Variants in IQSEC1 observed in about 807,000 individuals in gnomAD.
The protein encoded by IQSEC1 is IQ motif and Sec7 domain ArfGEF 1.
In IQSEC1, 31 loss-of-function variants were observed where a neutral mutation model predicts 91.0. That is an observed-to-expected ratio of 0.34 (90% confidence interval 0.26 to 0.46). The LOEUF (loss-of-function observed/expected upper bound fraction) is 0.46, where lower values mean the gene tolerates loss of function less well. IQSEC1 is among the 20% of genes least tolerant of loss of function. The pLI, the probability that IQSEC1 is intolerant of heterozygous loss-of-function variation, is 1.00. For missense variants in IQSEC1, 1,388 were observed against 1,575.6 expected (o/e 0.88, Z 2.02); for synonymous variants, 699 against 662.6 (o/e 1.05, Z -0.84).
rs544186520 is a variant in IQSEC1 at position 13,172,946 on chromosome 3, C to T, written c.273-8813G>A. On this transcript the variant is annotated intron_variant, in intron 1 of 15. Transcript: ENST00000648114. The stretch of plus-strand genomic sequence containing the variant: ...TCTCACTCCAGGCTGTGTTCTATCC[C>T]CTGCACTGTGGGCAAAGATCACCCT... Among the ~76,000 whole-genome samples the T allele has an allele frequency of 1.1e-4, 16 of 152,300 alleles. No homozygotes were observed. The South Asian group carries it at 2.7e-3, about 26-fold the overall frequency.
At position 12,900,186 on chromosome 3, in the gene IQSEC1, C is replaced by T. The variant is rs982661390; in HGVS notation, c.*797G>A. ...AAATAAGGATTTATACAAAGCAATA[C>T]TGGACTTTTTAAACAGTTAGATGCT... is the stretch of plus-strand genomic sequence containing the variant. On this transcript the variant is annotated 3_prime_UTR_variant, in exon 14 of 14. Coordinates refer to ENST00000613206, the MANE Select transcript of IQSEC1 (RefSeq NM_001134382.3). The T allele has an allele frequency of 1.2e-4, 119 of 975,348 alleles. No individual in the cohort carries two copies. Among genetic ancestry groups the T allele is most frequent in the Non-Finnish European group, 1.4e-4 (111 of 820,928 alleles). 60.4% of individuals were successfully genotyped at this position (975,348 alleles called of 1,614,324 possible). A position where few individuals can be genotyped will look rare whatever the true frequency, so the allele number is the denominator to read the frequency against.
rs146980580 is a variant in IQSEC1 at position 12,979,738 on chromosome 3, C to T, written c.24-37873G>A. On this transcript the variant is annotated intron_variant, in intron 1 of 13. Transcript: ENST00000613206. The surrounding 1 kb of genome is among the most constrained non-coding windows in gnomAD (Gnocchi z 4.3). ...CTCCTGTCTGATGTCATCAGAAGGG[C>T]GGAAAGAGCACCGGAAGGAGAACTC... Among the ~76,000 whole-genome samples the T allele has an allele frequency of 7.9e-5, 12 of 152,142 alleles. No individual in the cohort carries two copies. In the East Asian group the frequency reaches 9.7e-4, roughly 12 times the overall value.
At chr3:12,971,932 G>C (rs1290679901) in intron 1 of IQSEC1, among the ~76,000 whole-genome samples, 1 of 152,080 alleles carries the variant, frequency 6.6e-6, no homozygotes, top group Non-Finnish European at 1.5e-5. Flanking sequence ...TGAGGCAGGA[G>C]AATCACTTGA....
intron 1 of IQSEC1, among the ~76,000 whole-genome samples, chr3:13,056,238 C>G (rs1704875597): frequency 6.6e-6 from 1 of 152,164 alleles, no homozygotes; most frequent in South Asian, 2.1e-4. Flanking sequence ...AGAGAGAAGC[C>G]TTAGTCCAGT....
chr3:13,117,974 G>A (rs1706363128), intron 2 of IQSEC1, among the ~76,000 whole-genome samples: 1 of 152,118 alleles, frequency 6.6e-6, no homozygotes, highest in Non-Finnish European at 1.5e-5. Flanking sequence ...GAGAAACCGG[G>A]CCCCCTGTGC....
In IQSEC1 at chr3:12,900,101, C is replaced by T; in HGVS notation, c.*882G>A. The stretch of plus-strand genomic sequence containing the variant: ...TACTGTAGAGTGTACTGCAGTTTAG[C>T]TATTTGCTTACCTGAAATAACAGCA... On this transcript the variant is annotated 3_prime_UTR_variant, in exon 14 of 14. Coordinates refer to ENST00000613206, the MANE Select transcript of IQSEC1 (RefSeq NM_001134382.3). The T allele has an allele frequency of 4.1e-6, 4 of 981,728 alleles. No individual in the cohort carries two copies. Among genetic ancestry groups the T allele is most frequent in the Non-Finnish European group, 4.8e-6 (4 of 826,672 alleles). 60.8% of individuals were successfully genotyped at this position (981,728 alleles called of 1,614,324 possible). A position where few individuals can be genotyped will look rare whatever the true frequency, so the allele number is the denominator to read the frequency against.
chr3:13,082,851 C>T (rs1705668053), intron 2 of IQSEC1, among the ~76,000 whole-genome samples: 1 of 152,170 alleles, frequency 6.6e-6, no homozygotes, highest in Non-Finnish European at 1.5e-5. Context: ...AGCCAAGGGG[C>T]CCACTGTCAG....
rs1485339977 is a variant in IQSEC1 at position 12,898,001 on chromosome 3, C to T, written c.*2982G>A. 1.3e-5 allele frequency: 2 copies of T among 152,246 alleles called. No homozygotes were observed. The highest frequency in any genetic ancestry group is 4.8e-5 in the African/African-American group (2 of 41,452). 9.4% of individuals were successfully genotyped at this position (152,246 alleles called of 1,614,324 possible). Reference sequence around the variant, plus strand: ...ACTTTTGTCACATTGCCAGCTGTTTCCCTCAGCGTCTCCTGCTCCTGTCAG... The same window carrying T: ...ACTTTTGTCACATTGCCAGCTGTTTTCCTCAGCGTCTCCTGCTCCTGTCAG... On this transcript the variant is annotated 3_prime_UTR_variant, in exon 14 of 14. Coordinates refer to ENST00000613206, the MANE Select transcript of IQSEC1 (RefSeq NM_001134382.3).
Position 13,021,608 on chromosome 3 carries a change from C to A in IQSEC1, c.23+51384G>T, listed in dbSNP as rs112364050. Among the ~76,000 whole-genome samples, 1,510 of 152,292 alleles carry A rather than the reference C, an allele frequency of 9.9e-3. 24 individuals carry two copies. Among genetic ancestry groups the A allele is most frequent in the African/African-American group, 0.035 (1,440 of 41,550 alleles). ...GCCTGGTGTCTGAGTCCGGGCTGAG[C>A]CCTCAGCCACTCAGTGACTGACGTT... is the stretch of plus-strand genomic sequence containing the variant. On this transcript the variant is annotated intron_variant, in intron 1 of 13. Transcript: ENST00000613206.
chr3:12,949,961 G>A (rs1347538938), intron 1 of IQSEC1, among the ~76,000 whole-genome samples: 1 of 152,222 alleles, frequency 6.6e-6, no homozygotes, highest in Non-Finnish European at 1.5e-5. Flanking sequence ...GCTGCTTTAA[G>A]GGCTAGTGCA....
In IQSEC1 at chr3:12,900,262, T is replaced by C; in HGVS notation, c.*721A>G. On this transcript the variant is annotated 3_prime_UTR_variant, in exon 14 of 14. Transcript: ENST00000613206. The stretch of plus-strand genomic sequence containing the variant: ...ATTGTGTAAAGATTTTAGCCAGTCC[T>C]AGAGGGACTTCTTTGTATGAAAATA... 1 of 985,030 alleles carries C rather than the reference T, an allele frequency of 1.0e-6. No homozygotes were observed. The highest frequency in any genetic ancestry group is 1.2e-6 in the Non-Finnish European group (1 of 829,602). 61.0% of individuals were successfully genotyped at this position (985,030 alleles called of 1,614,324 possible). A position where few individuals can be genotyped will look rare whatever the true frequency, so the allele number is the denominator to read the frequency against.
Position 13,141,463 on chromosome 3 carries a change from T to C in IQSEC1, c.302+22641A>G, listed in dbSNP as rs550737642. ...TGTGTCTGTTCTTGTGTTCCCTGGG[T>C]TCTCCTAATAAACCTCCCTTCTTGC... On this transcript the variant is annotated intron_variant, in intron 2 of 15. Coordinates refer to the IQSEC1 transcript ENST00000648114. Among the ~76,000 whole-genome samples, 250 of 152,218 alleles carry C rather than the reference T, an allele frequency of 1.6e-3. 1 individual carries two copies. The highest frequency in any genetic ancestry group is 0.016 in the South Asian group (79 of 4,818).
rs1694303262 is a variant in IQSEC1 at position 12,901,508 on chromosome 3, G to A, written c.2820C>T (p.Ser940=). 1 of 1,549,608 alleles carries A rather than the reference G, an allele frequency of 6.5e-7. No homozygotes were observed. The highest frequency in any genetic ancestry group is 8.7e-7 in the Non-Finnish European group (1 of 1,146,584). ...LESNVEGSII[S]SPHMRRRATS... Reference sequence around the variant, plus strand: ...TAGCTCTCCGGCGCATGTGAGGACTGCTAATGATGGACCCCTAAAAAGGAA... The same window carrying A: ...TAGCTCTCCGGCGCATGTGAGGACTACTAATGATGGACCCCTAAAAAGGAA... Residue 940 remains serine, a synonymous_variant, in exon 14 of 14, where the codon AGC becomes AGT. Coordinates refer to ENST00000613206, the MANE Select transcript of IQSEC1 (RefSeq NM_001134382.3).
intron 2 of IQSEC1, among the ~76,000 whole-genome samples, chr3:13,122,257 T>C (rs1218244888): frequency 6.6e-6 from 1 of 152,190 alleles, no homozygotes; most frequent in Non-Finnish European, 1.5e-5. Flanking sequence ...ATGTGCCAGA[T>C]GGGCGGAGAG....
intron 1 of IQSEC1, among the ~76,000 whole-genome samples, chr3:13,031,668 G>C (rs530933820): frequency 6.6e-6 from 1 of 151,854 alleles, no homozygotes; most frequent in African/African-American, 2.4e-5. Flanking sequence ...TCATGGAGCC[G>C]ACATTTGCAG....
At chr3:13,100,690 C>T (rs1207435603) in intron 2 of IQSEC1, among the ~76,000 whole-genome samples, 5 of 148,916 alleles carry the variant, frequency 3.4e-5, no homozygotes, top group Admixed American at 6.7e-5. Context: ...CGTCAGGTGG[C>T]GTCTCCAGCT....
In IQSEC1 at chr3:13,282,044, G is replaced by A. The variant is rs1695801612; in HGVS notation, c.272+667C>T. Reference sequence around the variant, plus strand: ...GGCTGCGAGCCGGTAGGGACGCTGGGGTCCAGGGCTGCTGGACAGCCCCGC... The same window carrying A: ...GGCTGCGAGCCGGTAGGGACGCTGGAGTCCAGGGCTGCTGGACAGCCCCGC... On this transcript the variant is annotated intron_variant, in intron 1 of 15. Coordinates refer to the IQSEC1 transcript ENST00000648114. The surrounding 1 kb of genome is among the most constrained non-coding windows in gnomAD (Gnocchi z 6.4). Among the ~76,000 whole-genome samples the A allele has an allele frequency of 6.6e-6, 1 of 152,186 alleles. No homozygotes were observed. Among genetic ancestry groups the A allele is most frequent in the African/African-American group, 2.4e-5 (1 of 41,454 alleles).
chr3:12,921,640 C>G (rs1696638663), intron 5 of IQSEC1, among the ~76,000 whole-genome samples: 1 of 152,218 alleles, frequency 6.6e-6, no homozygotes, highest in Admixed American at 6.5e-5. Flanking sequence ...AGTTAAGTAA[C>G]CAGCACAGGG....
chr3:13,087,568 C>T (rs963580423), intron 2 of IQSEC1, among the ~76,000 whole-genome samples: 3 of 152,244 alleles, frequency 2.0e-5, no homozygotes, highest in African/African-American at 7.2e-5. Flanking sequence ...CTCTGCACCA[C>T]TATCCCAGTC....
Sources: allele counts gnomAD v4.1 joint callset (sites outside exome capture counted in the v4.1 genomes callset), GRCh38; gene constraint gnomAD v4.1.1; non-coding constraint Gnocchi (gnomAD v3.1); transcripts MANE v1.5; gene names NCBI Gene and HGNC (gene_info 2026-07-23, HGNC 2026-07-21).